Variants in DGKG observed in about 807,000 individuals in gnomAD.
The protein encoded by DGKG is DAG kinase gamma.
DGKG carries 78 observed loss-of-function variants against 105.3 expected under a neutral mutation model. The observed-to-expected ratio is 0.74, with a 90% confidence interval of 0.62 to 0.89. DGKG has a LOEUF of 0.89. Ranked by LOEUF, DGKG falls within the 40% of genes least tolerant of loss-of-function variation. DGKG has a pLI of 0.00. For missense variants in DGKG, 958 were observed against 1,020.1 expected, an observed-to-expected ratio of 0.94 and a Z score of 0.83; for synonymous variants, 346 against 367.1, an observed-to-expected ratio of 0.94 and a Z score of 0.66.
Position 186,148,375 on chromosome 3 carries a change from G to A in DGKG, c.*1715C>T. ...GATGAGGTGACATGTGGAGAGTTCAGTCTGATGATCTGTTTAGTACCTTCG... is the reference window on the plus strand; with the variant it reads ...GATGAGGTGACATGTGGAGAGTTCAATCTGATGATCTGTTTAGTACCTTCG... On this transcript the variant is annotated 3_prime_UTR_variant, in exon 25 of 25. Coordinates refer to ENST00000265022, the MANE Select transcript of DGKG (RefSeq NM_001346.3). 1.0e-6 allele frequency: 1 copy of A among 985,436 alleles called. No individual in the cohort carries two copies. The highest frequency in any genetic ancestry group is 1.2e-6 in the Non-Finnish European group (1 of 829,944). 61.0% of individuals were successfully genotyped at this position (985,436 alleles called of 1,614,324 possible).
intron 21 of DGKG, among the ~76,000 whole-genome samples, chr3:186,193,388 C>G (rs1718000011): frequency 6.6e-6 from 1 of 152,194 alleles, no homozygotes; most frequent in Non-Finnish European, 1.5e-5. Context: ...TGATGGGTGT[C>G]TGGAATGCAG....
At chr3:186,154,030 G>A (rs138260251) in intron 24 of DGKG, among the ~76,000 whole-genome samples, 3 of 152,290 alleles carry the variant, frequency 2.0e-5, no homozygotes, top group Non-Finnish European at 4.4e-5. Context: ...CTGGGAGGTC[G>A]AGGCGGCAGT....
intron 24 of DGKG, 98 bp from the exon 25 acceptor site, chr3:186,150,286 G>T: frequency 1.4e-6 from 2 of 1,434,672 alleles, no homozygotes; most frequent in Non-Finnish European, 1.9e-6. Context: ...CTTCAGGATG[G>T]AAGGAGCCCC....
intron 18 of DGKG, 76 bp from the exon 19 acceptor site, chr3:186,251,995 G>A (rs1345787110): frequency 1.4e-6 from 2 of 1,428,972 alleles, no homozygotes; most frequent in Admixed American, 4.7e-5. Context: ...AGTTGTCAGG[G>A]CAGGTAAGCC....
rs565698187 is a variant in DGKG at position 186,346,854 on chromosome 3, C to T, written c.-249+15092G>A. On this transcript the variant is annotated intron_variant, in intron 1 of 24. Coordinates refer to ENST00000265022, the MANE Select transcript of DGKG (RefSeq NM_001346.3). ...GTCCATTCCATCAAGCTCCTTATAG[C>T]CTTAAAACTTTTATACACTAATTTG... 7.3e-4 allele frequency among the ~76,000 whole-genome samples: 111 copies of T among 152,188 alleles called. 2 individuals are homozygous for T. Among genetic ancestry groups the T allele is most frequent in the African/African-American group, 2.5e-3 (105 of 41,502 alleles).
intron 22 of DGKG, among the ~76,000 whole-genome samples, chr3:186,179,125 G>T (rs1252337262): frequency 2.0e-5 from 3 of 152,154 alleles, no homozygotes; most frequent in Non-Finnish European, 2.9e-5. Flanking sequence ...CAAGGCCAAG[G>T]CTCCTGGTTC....
chr3:186,269,055 T>C (rs1722194574), intron 11 of DGKG, 138 bp from the exon 12 acceptor site: 2 of 637,730 alleles, frequency 3.1e-6, no homozygotes, highest in South Asian at 3.7e-5. Flanking sequence ...GCTTATTGGA[T>C]GTTGGGTGGC....
intron 20 of DGKG, among the ~76,000 whole-genome samples, chr3:186,216,338 C>T (rs907813498): frequency 6.6e-5 from 10 of 152,014 alleles, no homozygotes; most frequent in Non-Finnish European, 1.2e-4. Context: ...TAAGATTGAA[C>T]CTCTGACCCA....
At chr3:186,331,640 C>A (rs1477761324) in intron 1 of DGKG, among the ~76,000 whole-genome samples, 3 of 151,990 alleles carry the variant, frequency 2.0e-5, no homozygotes, top group Non-Finnish European at 4.4e-5. Flanking sequence ...TGGCTGGTAC[C>A]CAGAAAAAGC....
intron 2 of DGKG, among the ~76,000 whole-genome samples, chr3:186,319,226 C>T (rs1724963333): frequency 6.6e-6 from 1 of 152,214 alleles, no homozygotes; most frequent in South Asian, 2.1e-4. Context: ...CTATGGTCCC[C>T]TGTTGACCTC....
intron 20 of DGKG, among the ~76,000 whole-genome samples, chr3:186,234,743 G>T (rs963389126): frequency 6.6e-6 from 1 of 152,182 alleles, no homozygotes; most frequent in Admixed American, 6.5e-5. Flanking sequence ...GTAACAGTCT[G>T]AGAGGTTGTG....
chr3:186,275,025 T>A (rs1433226119), intron 10 of DGKG, among the ~76,000 whole-genome samples: 1 of 152,152 alleles, frequency 6.6e-6, no homozygotes, highest in African/African-American at 2.4e-5. Context: ...GTGTTCCTAT[T>A]TCTCCACATC....
chr3:186,297,526 T>C (rs3819858), intron 4 of DGKG, 43 bp from the exon 5 acceptor site: 826,842 of 1,424,372 alleles, frequency 0.58, 241,678 homozygotes, highest in Non-Finnish European at 0.6. Context: ...CCAGGCCCTC[T>C]AGCTTCTTGG....
At chr3:186,190,854 C>T (rs773107679) in intron 21 of DGKG, among the ~76,000 whole-genome samples, 2 of 152,234 alleles carry the variant, frequency 1.3e-5, no homozygotes, top group African/African-American at 2.4e-5. Context: ...AAACAGTGAC[C>T]GAGCACTCTC....
intron 22 of DGKG, among the ~76,000 whole-genome samples, chr3:186,171,699 A>G (rs1036356506): frequency 5.3e-5 from 8 of 152,222 alleles, no homozygotes; most frequent in African/African-American, 1.9e-4. Context: ...ACCCATGAAT[A>G]TAGAAACCTG....
At chr3:186,188,412 T>G in intron 21 of DGKG, 33 bp from the exon 22 acceptor site, 1 of 1,608,626 alleles carries the variant, frequency 6.2e-7, no homozygotes, top group Non-Finnish European at 8.5e-7. Flanking sequence ...CATCTGTTAG[T>G]GTCCTCAGTG....
At chr3:186,235,974 G>A (rs1474565714) in intron 20 of DGKG, among the ~76,000 whole-genome samples, 3 of 152,170 alleles carry the variant, frequency 2.0e-5, no homozygotes, top group Non-Finnish European at 4.4e-5. Flanking sequence ...TCCTCCTGAG[G>A]CCATTTCACC....
rs543140849 is a variant in DGKG at position 186,320,536 on chromosome 3, G to C, written c.-77C>G. On this transcript the variant is annotated 5_prime_UTR_variant, in exon 2 of 25. Transcript: ENST00000265022. ...AGGCTGAAGTGGAGGCCCAGCCCAG[G>C]GCCTGGCTCATTGCAGGTTTGCGAT... The C allele has an allele frequency of 6.2e-7, 1 of 1,610,470 alleles. No homozygotes were observed. The highest frequency in any genetic ancestry group is 1.3e-5 in the African/African-American group (1 of 74,880).
chr3:186,183,201 G>C (rs141908338), intron 22 of DGKG, among the ~76,000 whole-genome samples: 1 of 152,178 alleles, frequency 6.6e-6, no homozygotes, highest in East Asian at 1.9e-4. Context: ...ACTTGGGCTA[G>C]GCTAGGAGTC....
Sources: gnomAD v4.1 joint callset for allele counts (sites outside exome capture counted in the v4.1 genomes callset) on GRCh38, gnomAD v4.1.1 for gene constraint, MANE v1.5 for transcripts, NCBI Gene and HGNC (gene_info 2026-07-23, HGNC 2026-07-21) for gene names.